Variants in PIP4K2B observed in about 807,000 individuals in gnomAD.
The protein encoded by PIP4K2B is phosphatidylinositol 5-phosphate 4-kinase type-2 beta.
A neutral mutation model predicts 42.0 loss-of-function variants in PIP4K2B; 3 were observed. The ratio of observed to expected loss-of-function variants is 0.07; its 90% CI spans 0.03 to 0.18. The LOEUF (loss-of-function observed/expected upper bound fraction) is 0.18. Among genes scored for constraint, PIP4K2B ranks in the 10% least tolerant of loss-of-function variants. PIP4K2B has a pLI of 1.00. For synonymous variants in PIP4K2B, 204 were observed against 210.1 expected (o/e 0.97, Z 0.25); for missense variants, 332 against 562.3 (o/e 0.59, Z 4.14).
At chr17:38,779,361 C>T (rs753974949) in intron 5 of PIP4K2B, 22 bp downstream of exon 5, 11 of 1,590,230 alleles carry the variant, frequency 6.9e-6, no homozygotes, top group East Asian at 4.5e-5. Context: ...GGCACAGCTC[C>T]GGCAAACACA....
At chr17:38,789,646 T>C (rs1910239309) in intron 1 of PIP4K2B, among the ~76,000 whole-genome samples, 1 of 152,134 alleles carries the variant, frequency 6.6e-6, no homozygotes, top group South Asian at 2.1e-4. Flanking sequence ...TATTTAGAAA[T>C]GTCAGAGAAT....
At chr17:38,776,129 C>G (rs1909329836) in intron 7 of PIP4K2B, 2 of 388,412 alleles carry the variant, frequency 5.1e-6, no homozygotes, top group Admixed American at 6.7e-5. Context: ...CACCACCATG[C>G]CCGGCTAATT....
At chr17:38,782,279 G>A (rs969054061) in intron 3 of PIP4K2B, among the ~76,000 whole-genome samples, 2 of 152,258 alleles carry the variant, frequency 1.3e-5, no homozygotes, top group African/African-American at 4.8e-5. Flanking sequence ...GTGGCTGGTA[G>A]TCCAAGAATA....
intron 1 of PIP4K2B, among the ~76,000 whole-genome samples, chr17:38,788,986 G>A (rs142632669): frequency 2.8e-4 from 43 of 152,062 alleles, no homozygotes; most frequent in African/African-American, 9.9e-4. Flanking sequence ...AGGCATAGTC[G>A]TGTACACCTA....
intron 4 of PIP4K2B, chr17:38,779,749 C>A: frequency 1.9e-6 from 1 of 525,206 alleles, no homozygotes; most frequent in East Asian, 2.9e-5. Context: ...GAGAGGCAAG[C>A]TGAGCAGGTG....
At chr17:38,798,389 A>T (rs1220625324) in intron 1 of PIP4K2B, among the ~76,000 whole-genome samples, 1 of 152,176 alleles carries the variant, frequency 6.6e-6, no homozygotes, top group Non-Finnish European at 1.5e-5. Flanking sequence ...TCCAGCTTAA[A>T]CTGTCAGGAT....
chr17:38,779,647 A>AT (rs1909587334), intron 4 of PIP4K2B, 118 bp from the exon 5 acceptor site: 2 of 837,784 alleles, frequency 2.4e-6, no homozygotes, highest in Non-Finnish European at 3.8e-6. Flanking sequence ...CTAGACCAGT[A>AT]GTTCTCCAGC....
At chr17:38,792,593 C>T (rs1910399322) in intron 1 of PIP4K2B, 1 of 152,204 alleles carries the variant, frequency 6.6e-6, no homozygotes, top group African/African-American at 2.4e-5. Flanking sequence ...ACCTAGGATG[C>T]CTGGACTAGG....
chr17:38,799,050 G>A lies in PIP4K2B; in HGVS notation c.159+216C>T, dbSNP rs998847294. Among the ~76,000 whole-genome samples, 1 of 151,810 alleles carries A rather than the reference G, an allele frequency of 6.6e-6. No homozygotes were observed. Among genetic ancestry groups the A allele is most frequent in the Non-Finnish European group, 1.5e-5 (1 of 67,922 alleles). ...GCCAGAAGGGCTGGAGGGAAGGGGAGGTGGCGACGGCAGACCACAGAGACA... is the reference window on the plus strand; with the variant it reads ...GCCAGAAGGGCTGGAGGGAAGGGGAAGTGGCGACGGCAGACCACAGAGACA... On this transcript the variant is annotated intron_variant, in intron 1 of 9. Transcript: ENST00000619039. This position sits in a 1 kb window ranked among gnomAD's most constrained non-coding sequence, Gnocchi z 4.4.
At chr17:38,797,623 CT>C (rs1260876839) in intron 1 of PIP4K2B, among the ~76,000 whole-genome samples, 1 of 152,190 alleles carries the variant, frequency 6.6e-6, no homozygotes. Flanking sequence ...TTGCAGCTAG[CT>C]GTAATACTCC....
intron 1 of PIP4K2B, among the ~76,000 whole-genome samples, chr17:38,790,835 T>C (rs998570849): frequency 6.6e-6 from 1 of 152,208 alleles, no homozygotes; most frequent in African/African-American, 2.4e-5. Flanking sequence ...CCCTCATTTC[T>C]ACTAGGCCAC....
At chr17:38,790,825 C>A (rs542391493) in intron 1 of PIP4K2B, among the ~76,000 whole-genome samples, 5 of 152,204 alleles carry the variant, frequency 3.3e-5, no homozygotes, top group Admixed American at 3.3e-4. Context: ...GGAGACTTAC[C>A]CCTCATTTCT....
intron 4 of PIP4K2B, 83 bp from the exon 5 acceptor site, chr17:38,779,612 C>G (rs1233457210): frequency 1.6e-6 from 2 of 1,226,962 alleles, no homozygotes; most frequent in Admixed American, 1.9e-5. Context: ...CTAAAATGCT[C>G]CCTGGCTCCC....
chr17:38,766,145 T>C lies in PIP4K2B; in HGVS notation c.*3546A>G, dbSNP rs768564051. The C allele has an allele frequency of 6.6e-6, 1 of 152,282 alleles. No individual in the cohort carries two copies. Among genetic ancestry groups the C allele is most frequent in the Non-Finnish European group, 1.5e-5 (1 of 68,068 alleles). The allele number at this position is 152,282 out of a possible 1,614,324, so 9.4% of individuals were successfully genotyped here. A position where few individuals can be genotyped will look rare whatever the true frequency, so the allele number is the denominator to read the frequency against. ...GGCACTCTTCATAAGTGGCACATTC[T>C]AGAGGAGGGAGAGGGCCACGGTCAC... On this transcript the variant is annotated 3_prime_UTR_variant, in exon 10 of 10. Transcript: ENST00000619039.
At chr17:38,772,898 T>A (rs1909123063) in intron 7 of PIP4K2B, among the ~76,000 whole-genome samples, 1 of 152,150 alleles carries the variant, frequency 6.6e-6, no homozygotes, top group Non-Finnish European at 1.5e-5. Context: ...AGTGAAAAGG[T>A]GAAAGCTCTT....
intron 5 of PIP4K2B, among the ~76,000 whole-genome samples, 157 bp downstream of exon 5, chr17:38,779,226 C>T (rs1239232268): frequency 6.6e-6 from 1 of 151,876 alleles, no homozygotes; most frequent in East Asian, 1.9e-4. Flanking sequence ...TTCAAACTGC[C>T]TTTGGTCCAC....
intron 7 of PIP4K2B, among the ~76,000 whole-genome samples, chr17:38,772,493 G>A (rs142271399): frequency 6.6e-6 from 1 of 152,304 alleles, no homozygotes; most frequent in Non-Finnish European, 1.5e-5. Flanking sequence ...CACAGTGCTT[G>A]TATTCAAGTA....
chr17:38,784,897 C>T (rs1909924091), intron 2 of PIP4K2B, among the ~76,000 whole-genome samples: 1 of 152,210 alleles, frequency 6.6e-6, no homozygotes, highest in African/African-American at 2.4e-5. Context: ...ATGTGAACAT[C>T]TGCTGTGAGG....
intron 7 of PIP4K2B, among the ~76,000 whole-genome samples, chr17:38,771,619 T>G (rs62076862): frequency 1.4e-5 from 2 of 146,812 alleles, no homozygotes; most frequent in African/African-American, 5.1e-5. Flanking sequence ...AGACCCTCCC[T>G]GAAGAAAGGA....
Sources: allele counts gnomAD v4.1 joint callset (sites outside exome capture counted in the v4.1 genomes callset), GRCh38; gene constraint gnomAD v4.1.1; non-coding constraint Gnocchi (gnomAD v3.1); transcripts MANE v1.5; gene names NCBI Gene and HGNC (gene_info 2026-07-23, HGNC 2026-07-21).